Variants in POM121C observed in about 807,000 individuals in gnomAD.
POM121C encodes nuclear envelope pore membrane protein POM 121C.
POM121C carries 20 observed loss-of-function variants against 66.4 expected under a neutral mutation model. The observed-to-expected ratio is 0.30, with a 90% CI of 0.21 to 0.44. The LOEUF is 0.44. Ranked by LOEUF, POM121C falls within the 20% of genes least tolerant of loss-of-function variation. The probability of loss-of-function intolerance (pLI) is 1.00; values close to 1 mark genes in which losing one functional copy is unlikely to be tolerated. For missense variants in POM121C, 580 were observed against 1,225.7 expected (o/e 0.47, Z 7.87); for synonymous variants, 286 against 528.0 (o/e 0.54, Z 6.28).
Position 75,421,984 on chromosome 7 carries a change from A to G in POM121C, c.2268T>C (p.Pro756=), listed in dbSNP as rs1789734009. The G allele has an allele frequency of 6.2e-7, 1 of 1,613,794 alleles. No individual in the cohort carries two copies. Among genetic ancestry groups the G allele is most frequent in the Non-Finnish European group, 8.5e-7 (1 of 1,179,886 alleles). Reference sequence around the variant, plus strand: ...GCTGGATGGGCGTAGGCACGTGCGCAGGCACGATCTTGATCGTGGACGCAG... The same window carrying G: ...GCTGGATGGGCGTAGGCACGTGCGCGGGCACGATCTTGATCGTGGACGCAG... The part of the protein sequence containing the change: ...PAPASTIKIV[P]AHVPTPIQPT... The change falls in exon 13 of 15, where the codon CCT becomes CCC. Residue 756 remains proline, a synonymous_variant. Coordinates refer to ENST00000615331, the MANE Select transcript of POM121C (RefSeq NM_001099415.3).
At chr7:75,423,661 C>T (rs1325250343) in intron 12 of POM121C, among the ~76,000 whole-genome samples, 2 of 152,064 alleles carry the variant, frequency 1.3e-5, no homozygotes, top group Non-Finnish European at 2.9e-5. Flanking sequence ...GCCGGGAACA[C>T]CAGCAGCCCT....
chr7:75,438,188 T>C (rs1554473272), intron 6 of POM121C, among the ~76,000 whole-genome samples: 1 of 152,230 alleles, frequency 6.6e-6, no homozygotes, highest in African/African-American at 2.4e-5. Flanking sequence ...CTCCTATGCA[T>C]CTTTCCTGTA....
At chr7:75,473,421 A>C in intron 3 of POM121C, among the ~76,000 whole-genome samples, 1 of 151,920 alleles carries the variant, frequency 6.6e-6, no homozygotes. Context: ...TCTACTATGG[A>C]CAGAGCATGA....
chr7:75,450,755 A>C (rs1334544053), intron 3 of POM121C, among the ~76,000 whole-genome samples: 5 of 152,258 alleles, frequency 3.3e-5, no homozygotes, highest in Non-Finnish European at 7.3e-5. Flanking sequence ...TTAAAAACAG[A>C]CACACTCACA....
rs782701929 is a variant in POM121C at position 75,486,249 on chromosome 7, TG to T, written c.-844del. ...TTCTCGTCCACTAGAAGCCAAAGCC[TG>T]GGAACGAGAGCAAGCGATGACCTGA... On this transcript the variant is annotated 5_prime_UTR_variant, in exon 1 of 15. Transcript: ENST00000615331. 1.0e-4 allele frequency: 28 copies of T among 276,542 alleles called. No individual in the cohort carries two copies. The highest frequency in any genetic ancestry group is 1.9e-4 in the Non-Finnish European group (27 of 142,068). 17.1% of individuals were successfully genotyped at this position (276,542 alleles called of 1,614,324 possible).
At chr7:75,434,570 G>C (rs1320867721) in intron 7 of POM121C, among the ~76,000 whole-genome samples, 27 of 144,734 alleles carry the variant, frequency 1.9e-4, no homozygotes, top group African/African-American at 6.7e-4. Context: ...AGCCACGGTG[G>C]CGCTCAGCTA....
chr7:75,431,818 G>A (rs766727904), intron 7 of POM121C, among the ~76,000 whole-genome samples: 10 of 151,868 alleles, frequency 6.6e-5, no homozygotes, highest in Non-Finnish European at 1.2e-4. Flanking sequence ...TCAGTGTGGT[G>A]GTGCATGCCT....
chr7:75,450,277 G>C (rs1246977826), intron 3 of POM121C, among the ~76,000 whole-genome samples: 5 of 151,592 alleles, frequency 3.3e-5, no homozygotes, highest in Non-Finnish European at 5.9e-5. Context: ...AGGAAAGCTG[G>C]GGAGAATTCC....
chr7:75,481,789 C>T (rs750027162), intron 1 of POM121C, among the ~76,000 whole-genome samples: 1 of 151,990 alleles, frequency 6.6e-6, no homozygotes, highest in South Asian at 2.1e-4. Flanking sequence ...ACGTGCCAGC[C>T]TAGGCGACAG....
chr7:75,447,812 AG>A (rs1410449779), intron 3 of POM121C, among the ~76,000 whole-genome samples: 2 of 151,986 alleles, frequency 1.3e-5, no homozygotes, highest in Non-Finnish European at 2.9e-5. Context: ...TCACGAGGTC[AG>A]GAGATCGAGA....
intron 3 of POM121C, among the ~76,000 whole-genome samples, chr7:75,452,608 G>C (rs1791058451): frequency 6.6e-6 from 1 of 152,246 alleles, no homozygotes; most frequent in Middle Eastern, 3.4e-3. Flanking sequence ...TCGAGATCCA[G>C]GTTGCTGCTG....
intron 1 of POM121C, among the ~76,000 whole-genome samples, chr7:75,476,751 A>G (rs1792095300): frequency 6.6e-6 from 1 of 152,184 alleles, no homozygotes; most frequent in South Asian, 2.1e-4. Flanking sequence ...CAAATACCCA[A>G]AATGAAACAT....
chr7:75,469,013 G>A (rs1270403758), intron 3 of POM121C, among the ~76,000 whole-genome samples: 6 of 151,944 alleles, frequency 3.9e-5, no homozygotes, highest in East Asian at 1.9e-4. Context: ...TAAAGTTCAC[G>A]TAACAAAAAT....
chr7:75,428,413 C>A (rs1429303211), intron 7 of POM121C, among the ~76,000 whole-genome samples: 2 of 152,144 alleles, frequency 1.3e-5, no homozygotes, highest in Non-Finnish European at 2.9e-5. Flanking sequence ...ACTAGGATTA[C>A]AGGTGTGAGC....
At chr7:75,465,712 C>T (rs1285158725) in intron 3 of POM121C, among the ~76,000 whole-genome samples, 4 of 147,468 alleles carry the variant, frequency 2.7e-5, no homozygotes, top group African/African-American at 1.0e-4. Flanking sequence ...AAGATTGTGC[C>T]ACTGCACTCC....
intron 1 of POM121C, 114 bp downstream of exon 1, chr7:75,485,748 CAT>C (rs71657063): frequency 0.012 from 4,936 of 400,054 alleles, 42 homozygotes; most frequent in Middle Eastern, 0.027. Flanking sequence ...AAACCCAACA[CAT>C]GTCTCTCCGG....
chr7:75,424,715 C>G, intron 10 of POM121C, 87 bp from the exon 11 acceptor site: 1 of 1,551,684 alleles, frequency 6.4e-7, no homozygotes, highest in East Asian at 2.2e-5. Flanking sequence ...TCTCAGCACT[C>G]TGGGAGGCCA....
intron 6 of POM121C, among the ~76,000 whole-genome samples, chr7:75,438,855 C>A (rs1790518665): frequency 6.6e-6 from 1 of 152,198 alleles, no homozygotes; most frequent in Non-Finnish European, 1.5e-5. Context: ...ACTGTCTTAT[C>A]CGCTGCACAA....
At chr7:75,471,014 T>C (rs1331357002) in intron 3 of POM121C, among the ~76,000 whole-genome samples, 1 of 151,940 alleles carries the variant, frequency 6.6e-6, no homozygotes, top group African/African-American at 2.4e-5. Context: ...AACCCAAAGA[T>C]TGACAACGGG....
Sources: gnomAD v4.1 joint callset for allele counts (sites outside exome capture counted in the v4.1 genomes callset) on GRCh38, gnomAD v4.1.1 for gene constraint, MANE v1.5 for transcripts, NCBI Gene and HGNC (gene_info 2026-07-23, HGNC 2026-07-21) for gene names.